The following SH3BGRL2 variants were observed in gnomAD, a reference collection of about 807,000 sequenced individuals.
SH3BGRL2 encodes SH3 domain binding glutamate rich protein like 2.
SH3BGRL2 carries 21 observed loss-of-function variants against 14.8 expected under a neutral mutation model. That is an observed-to-expected ratio of 1.42 (90% confidence interval 1.01 to 2.05). The LOEUF (loss-of-function observed/expected upper bound fraction) is 2.05. Ranked by LOEUF, SH3BGRL2 falls within the 30% of genes most tolerant of loss-of-function variation. SH3BGRL2 has a pLI of 0.00. For missense variants in SH3BGRL2, 147 were observed against 130.8 expected, an observed-to-expected ratio of 1.12 and a Z score of -0.61; for synonymous variants, 50 against 47.8, an observed-to-expected ratio of 1.05 and a Z score of -0.19.
the SH3BGRL2 span, among the ~76,000 whole-genome samples, chr6:79,589,275 A>T: frequency 4.4e-4 from 66 of 150,928 alleles, no homozygotes; most frequent in African/African-American, 1.6e-3. Flanking sequence ...GAGGCCAACT[A>T]TAATTGATTC....
intron 2 of SH3BGRL2, among the ~76,000 whole-genome samples, chr6:79,679,559 T>C (rs1769950216): frequency 6.6e-6 from 1 of 152,148 alleles, no homozygotes; most frequent in Non-Finnish European, 1.5e-5. Context: ...GTTGTCTGTT[T>C]ACCCTATTGA....
the SH3BGRL2 span, among the ~76,000 whole-genome samples, chr6:79,603,907 C>T: frequency 3.3e-5 from 5 of 152,214 alleles, no homozygotes; most frequent in African/African-American, 1.2e-4. Context: ...TGGGTTCAAG[C>T]AATTCTCCTG....
the SH3BGRL2 span, among the ~76,000 whole-genome samples, chr6:79,558,896 C>A: frequency 2.0e-5 from 3 of 151,858 alleles, no homozygotes; most frequent in African/African-American, 7.3e-5. Flanking sequence ...AGAAAGTAAG[C>A]AGCACTAAAA....
intron 1 of SH3BGRL2, among the ~76,000 whole-genome samples, chr6:79,666,667 C>T (rs564911165): frequency 1.4e-4 from 22 of 152,248 alleles, no homozygotes; most frequent in Non-Finnish European, 1.5e-5. Flanking sequence ...GGGCCTTCTA[C>T]CTTCCTTAAT....
the SH3BGRL2 span, among the ~76,000 whole-genome samples, chr6:79,548,730 A>C: frequency 1.3e-5 from 2 of 152,208 alleles, no homozygotes; most frequent in Non-Finnish European, 2.9e-5. Flanking sequence ...GGTAGTATAA[A>C]CTAGGAGTGG....
intron 1 of SH3BGRL2, among the ~76,000 whole-genome samples, chr6:79,662,784 A>T (rs1244230927): frequency 7.9e-5 from 12 of 152,214 alleles, no homozygotes. Flanking sequence ...CAGGTACACC[A>T]ATCAAACGTA....
At chr6:79,620,339 G>A in the SH3BGRL2 span, among the ~76,000 whole-genome samples, 4 of 150,838 alleles carry the variant, frequency 2.7e-5, no homozygotes, top group South Asian at 2.1e-4. Flanking sequence ...ATTTCCTTCC[G>A]ACCTTTATGA....
intron 1 of SH3BGRL2, among the ~76,000 whole-genome samples, chr6:79,647,116 A>G (rs886609427): frequency 1.3e-5 from 2 of 152,144 alleles, no homozygotes; most frequent in African/African-American, 2.4e-5. Flanking sequence ...GGAACTGCCA[A>G]ACTGTTTTCC....
the SH3BGRL2 span, among the ~76,000 whole-genome samples, chr6:79,591,442 G>C: frequency 3.3e-5 from 5 of 152,106 alleles, no homozygotes; most frequent in Admixed American, 1.3e-4. Context: ...ACGGAGTCTT[G>C]CTCTGCGCCA....
the SH3BGRL2 span, among the ~76,000 whole-genome samples, chr6:79,616,005 AGG>A: frequency 1.3e-5 from 2 of 152,094 alleles, no homozygotes; most frequent in Admixed American, 1.3e-4. Context: ...TTGTAGAGAC[AGG>A]GTTTCTCCAT....
chr6:79,546,724 A>G, the SH3BGRL2 span, among the ~76,000 whole-genome samples: 1 of 151,310 alleles, frequency 6.6e-6, no homozygotes, highest in Non-Finnish European at 1.5e-5. Context: ...CTCGAGATGA[A>G]GTCTTCTTCT....
At chr6:79,674,677 CT>C (rs929377918) in intron 2 of SH3BGRL2, among the ~76,000 whole-genome samples, 2 of 152,166 alleles carry the variant, frequency 1.3e-5, no homozygotes, top group African/African-American at 4.8e-5. Context: ...GAAAACAATC[CT>C]TTCCCCCACG....
At chr6:79,548,106 CTATCCTCCTGCT>C in the SH3BGRL2 span, among the ~76,000 whole-genome samples, 19 of 152,080 alleles carry the variant, frequency 1.2e-4, no homozygotes, top group African/African-American at 4.6e-4. Context: ...TAAGCTCAAG[CTATCCTCCTGCT>C]TCAGCCTCCC....
At chr6:79,692,115 A>G (rs1418715286) in intron 2 of SH3BGRL2, among the ~76,000 whole-genome samples, 5 of 152,228 alleles carry the variant, frequency 3.3e-5, no homozygotes, top group East Asian at 1.9e-4. Context: ...AGTGATGATG[A>G]GCATTTTTTC....
the SH3BGRL2 span, among the ~76,000 whole-genome samples, chr6:79,551,826 A>T: frequency 6.6e-6 from 1 of 152,300 alleles, no homozygotes; most frequent in African/African-American, 2.4e-5. Flanking sequence ...ATGGTGGTTC[A>T]TGGCTTAAAT....
At chr6:79,543,222 T>A in the SH3BGRL2 span, among the ~76,000 whole-genome samples, 17,379 of 152,270 alleles carry the variant, frequency 0.11, 1,096 homozygotes, top group Non-Finnish European at 0.13. Context: ...TTATTTCAAC[T>A]TGCAATCAAT....
intron 1 of SH3BGRL2, among the ~76,000 whole-genome samples, chr6:79,673,303 A>G (rs1188152477): frequency 6.6e-6 from 1 of 151,996 alleles, no homozygotes; most frequent in Non-Finnish European, 1.5e-5. Context: ...GGCCGGGTGC[A>G]GTGGCTCATA....
At chr6:79,659,398 C>T (rs1769493203) in intron 1 of SH3BGRL2, among the ~76,000 whole-genome samples, 1 of 152,148 alleles carries the variant, frequency 6.6e-6, no homozygotes, top group Non-Finnish European at 1.5e-5. Flanking sequence ...ATAGGGAATC[C>T]TTTCCCCATT....
chr6:79,667,070 G>C (rs1414199695), intron 1 of SH3BGRL2, among the ~76,000 whole-genome samples: 1 of 152,170 alleles, frequency 6.6e-6, no homozygotes, highest in Non-Finnish European at 1.5e-5. Flanking sequence ...TCTATTAAAA[G>C]AAAAGCTTTA....
Sources: gnomAD v4.1 joint callset for allele counts (sites outside exome capture counted in the v4.1 genomes callset) on GRCh38, gnomAD v4.1.1 for gene constraint, MANE v1.5 for transcripts, NCBI Gene and HGNC (gene_info 2026-07-23, HGNC 2026-07-21) for gene names.